The following PSMD12 variants were observed in gnomAD, a reference collection of about 807,000 sequenced individuals.
The protein encoded by PSMD12 is 26S proteasome non-ATPase regulatory subunit 12.
In PSMD12, 8 loss-of-function variants were observed where a neutral mutation model predicts 62.9. That is an observed-to-expected ratio of 0.13 (90% CI 0.07 to 0.23). The LOEUF (loss-of-function observed/expected upper bound fraction) is 0.23, where lower values mean the gene tolerates loss of function less well. Ranked by LOEUF, PSMD12 falls within the 10% of genes least tolerant of loss-of-function variation. The probability of loss-of-function intolerance (pLI) is 1.00; values close to 1 mark genes in which losing one functional copy is unlikely to be tolerated. For missense variants in PSMD12, 424 were observed against 550.2 expected, an observed-to-expected ratio of 0.77 and a Z score of 2.29; for synonymous variants, 173 against 187.4, an observed-to-expected ratio of 0.92 and a Z score of 0.63.
intron 1 of PSMD12, among the ~76,000 whole-genome samples, chr17:67,358,256 TCAC>T (rs1211986831): frequency 6.6e-6 from 1 of 151,994 alleles, no homozygotes; most frequent in Admixed American, 6.6e-5. Flanking sequence ...TAAGTGGTAG[TCAC>T]ATGTGTCTTT....
At position 67,347,117 on chromosome 17, in the gene PSMD12, T is replaced by C. The variant is rs2041974280; in HGVS notation, c.794A>G (p.Gln265Arg). The C allele has an allele frequency of 6.3e-7, 1 of 1,592,408 alleles. No homozygotes were observed. The highest frequency in any genetic ancestry group is 1.1e-5 in the South Asian group (1 of 88,322). Residue 265 changes from glutamine to arginine, a missense_variant and splice_region_variant, in exon 7 of 11, where the codon CAG becomes CGG. Physicochemically the swap from Gln to Arg is conservative, Grantham distance 43. Coordinates refer to ENST00000356126, the MANE Select transcript of PSMD12 (RefSeq NM_002816.5). ...TCAATTACACGAATATATTCTTACC[T>C]GCTGCCATTTTTCACTTTCTGCCTG... ...CIQAESEKWQQALKSVVLYVI... is the reference protein window; with the variant it reads ...CIQAESEKWQRALKSVVLYVI...
At chr17:67,365,135 G>T (rs1372714113) in intron 1 of PSMD12, among the ~76,000 whole-genome samples, 1 of 148,040 alleles carries the variant, frequency 6.8e-6, no homozygotes, top group Non-Finnish European at 1.5e-5. Flanking sequence ...AGTCAGCCAA[G>T]ATTGCGCCAC....
intron 3 of PSMD12, among the ~76,000 whole-genome samples, chr17:67,354,231 C>T (rs1263436455): frequency 1.3e-5 from 2 of 152,146 alleles, no homozygotes; most frequent in African/African-American, 4.8e-5. Flanking sequence ...GTCAACATAG[C>T]AGGACTCCGT....
chr17:67,344,907 CAT>C (rs1344142630), intron 8 of PSMD12, 127 bp from the exon 9 acceptor site: 12 of 757,184 alleles, frequency 1.6e-5, no homozygotes, highest in South Asian at 7.8e-5. Context: ...AATGAGACAC[CAT>C]ATGATTATTG....
intron 5 of PSMD12, among the ~76,000 whole-genome samples, chr17:67,348,305 C>A (rs562339897): frequency 6.6e-6 from 1 of 152,288 alleles, no homozygotes; most frequent in Non-Finnish European, 1.5e-5. Flanking sequence ...ATTGTTTAAA[C>A]TGTAGGCATT....
At chr17:67,357,987 T>C (rs527676579) in intron 1 of PSMD12, among the ~76,000 whole-genome samples, 8 of 152,056 alleles carry the variant, frequency 5.3e-5, no homozygotes, top group Admixed American at 4.6e-4. Context: ...AGTGGCACCA[T>C]CTCGGCTCAC....
intron 5 of PSMD12, among the ~76,000 whole-genome samples, 165 bp from the exon 6 acceptor site, chr17:67,347,650 A>G (rs1464845217): frequency 6.6e-6 from 1 of 152,230 alleles, no homozygotes; most frequent in Non-Finnish European, 1.5e-5. Flanking sequence ...CCGCTAGAAA[A>G]TTACAATTTA....
intron 3 of PSMD12, among the ~76,000 whole-genome samples, chr17:67,352,827 G>C (rs1357581526): frequency 6.6e-6 from 1 of 152,210 alleles, no homozygotes; most frequent in East Asian, 1.9e-4. Context: ...AGCCATCTCA[G>C]TCTCATGTGA....
Position 67,366,451 on chromosome 17 carries a change from C to A in PSMD12, c.69G>T (p.Thr23=). ...IVKMEVDYSA[T]VDQRLPECAK... ...CACACTCGGGTAGGCGCTGATCCAC[C>A]GTGGCGCTGTAGTCCACCTCCATCT... Residue 23 remains threonine (T), a synonymous_variant, in exon 1 of 11, where the codon ACG becomes ACT. Coordinates refer to ENST00000356126, the MANE Select transcript of PSMD12 (RefSeq NM_002816.5). The A allele has an allele frequency of 1.2e-6, 2 of 1,612,440 alleles. No homozygotes were observed. Among genetic ancestry groups the A allele is most frequent in the Non-Finnish European group, 1.7e-6 (2 of 1,179,434 alleles).
At chr17:67,352,835 T>G (rs1173863640) in intron 3 of PSMD12, among the ~76,000 whole-genome samples, 3 of 152,240 alleles carry the variant, frequency 2.0e-5, no homozygotes, top group Non-Finnish European at 4.4e-5. Context: ...CAGTCTCATG[T>G]GATCCACTGT....
intron 4 of PSMD12, among the ~76,000 whole-genome samples, chr17:67,349,733 T>G (rs971899305): frequency 9.2e-5 from 14 of 152,220 alleles, no homozygotes; most frequent in Non-Finnish European, 1.9e-4. Context: ...GTTAGTAGAT[T>G]TATAATTTCC....
At chr17:67,345,153 A>G (rs1367288239) in intron 8 of PSMD12, among the ~76,000 whole-genome samples, 1 of 152,232 alleles carries the variant, frequency 6.6e-6, no homozygotes. Context: ...CTAAACTACT[A>G]ATGATGAAAC....
At chr17:67,356,583 A>AAAAAAAAG (rs1567958899) in intron 3 of PSMD12, among the ~76,000 whole-genome samples, 2 of 147,098 alleles carry the variant, frequency 1.4e-5, no homozygotes. Context: ...AAAAAAAAAA[A>AAAAAAAAG]AAAGAAAATG....
intron 9 of PSMD12, among the ~76,000 whole-genome samples, chr17:67,342,658 C>T (rs774423901): frequency 4.6e-5 from 7 of 151,986 alleles, no homozygotes; most frequent in Admixed American, 1.3e-4. Flanking sequence ...GGAGATCGAT[C>T]GGGTGCAGGG....
chr17:67,338,942 G>A lies in PSMD12; in HGVS notation c.*1901C>T, dbSNP rs1006212311. 1 of 152,150 alleles carries A rather than the reference G, an allele frequency of 6.6e-6. No individual in the cohort carries two copies. The highest frequency in any genetic ancestry group is 1.9e-4 in the East Asian group (1 of 5,196). The allele number at this position is 152,150 out of a possible 1,614,324, so 9.4% of individuals were successfully genotyped here. ...ATAGTCCAGGTTTGACAAGCCCACA[G>A]GTAATGAGTCTCTAGAAAGATGAAG... On this transcript the variant is annotated 3_prime_UTR_variant, in exon 11 of 11. Transcript: ENST00000356126.
chr17:67,362,154 CCAAATA>C (rs2042136601), intron 1 of PSMD12, among the ~76,000 whole-genome samples: 1 of 152,138 alleles, frequency 6.6e-6, no homozygotes, highest in African/African-American at 2.4e-5. Context: ...TAACCATGTG[CCAAATA>C]CAACATAATC....
chr17:67,341,056 C>T lies in PSMD12; in HGVS notation c.1162-4G>A. On this transcript the variant is annotated splice_region_variant and splice_polypyrimidine_tract_variant and intron_variant, in intron 10 of 10. Transcript: ENST00000356126. ...TTGAGAGAAAGGCTTCGGACTCCTG[C>T]AAGAGAGAAAGATAAATTGGATTAA... is the stretch of plus-strand genomic sequence containing the variant. The T allele has an allele frequency of 5.9e-6, 9 of 1,533,016 alleles. No homozygotes were observed. The highest frequency in any genetic ancestry group is 7.9e-6 in the Non-Finnish European group (9 of 1,143,992). 95.0% of individuals were successfully genotyped at this position (1,533,016 alleles called of 1,614,324 possible). A position where few individuals can be genotyped will look rare whatever the true frequency, so the allele number is the denominator to read the frequency against.
At chr17:67,353,464 T>C (rs2042037945) in intron 3 of PSMD12, among the ~76,000 whole-genome samples, 1 of 152,004 alleles carries the variant, frequency 6.6e-6, no homozygotes, top group African/African-American at 2.4e-5. Flanking sequence ...CCACCATGCC[T>C]GGCTAATTGT....
At chr17:67,362,410 C>G (rs1311395593) in intron 1 of PSMD12, among the ~76,000 whole-genome samples, 1 of 152,198 alleles carries the variant, frequency 6.6e-6, no homozygotes, top group Non-Finnish European at 1.5e-5. Context: ...CGCGGTGGCT[C>G]ACGCCTGTAA....
Sources: gnomAD v4.1 joint callset for allele counts (sites outside exome capture counted in the v4.1 genomes callset) on GRCh38, gnomAD v4.1.1 for gene constraint, MANE v1.5 for transcripts, NCBI Gene and HGNC (gene_info 2026-07-23, HGNC 2026-07-21) for gene names.